Variants in INSR observed in about 807,000 individuals in gnomAD.
The protein encoded by INSR is insulin receptor.
INSR carries 67 observed loss-of-function variants against 142.6 expected under a neutral mutation model. The ratio of observed to expected loss-of-function variants is 0.47; its 90% CI spans 0.39 to 0.58. The LOEUF (loss-of-function observed/expected upper bound fraction) is 0.58. Among genes scored for constraint, INSR ranks in the 20% least tolerant of loss-of-function variants. INSR has a pLI of 0.00. For synonymous variants in INSR, 756 were observed against 743.1 expected (o/e 1.02, Z -0.28); for missense variants, 1,248 against 1,833.2 (o/e 0.68, Z 5.83).
chr19:7,269,414 CACACACACACACTT>C (rs1423385974), intron 1 of INSR, among the ~76,000 whole-genome samples: 3 of 137,726 alleles, frequency 2.2e-5, no homozygotes, highest in South Asian at 2.2e-4. Flanking sequence ...CACACACACA[CACACACACACACTT>C]GCTTGCTAGG....
intron 1 of INSR, among the ~76,000 whole-genome samples, chr19:7,284,840 C>G (rs1209995569): frequency 6.6e-6 from 1 of 152,126 alleles, no homozygotes; most frequent in African/African-American, 2.4e-5. Flanking sequence ...AGTTTTAATC[C>G]TCAGTGTGCA....
intron 13 of INSR, among the ~76,000 whole-genome samples, chr19:7,136,277 C>T (rs963289435): frequency 6.6e-6 from 1 of 152,040 alleles, no homozygotes; most frequent in Non-Finnish European, 1.5e-5. Flanking sequence ...AGAGGAAGTT[C>T]GGGGCATTGT....
chr19:7,262,955 T>G (rs1016812279), intron 2 of INSR, among the ~76,000 whole-genome samples: 1 of 152,172 alleles, frequency 6.6e-6, no homozygotes, highest in Non-Finnish European at 1.5e-5. Context: ...TGAACGTGCT[T>G]AATGCCACTG....
At chr19:7,190,528 C>T (rs567962431) in intron 2 of INSR, among the ~76,000 whole-genome samples, 7 of 152,146 alleles carry the variant, frequency 4.6e-5, no homozygotes, top group Non-Finnish European at 7.4e-5. Flanking sequence ...CCCGTCATCA[C>T]GCCCAGCTAA....
intron 11 of INSR, among the ~76,000 whole-genome samples, chr19:7,149,371 C>T (rs189324327): frequency 1.3e-5 from 2 of 152,326 alleles, no homozygotes; most frequent in Admixed American, 1.3e-4. Flanking sequence ...GGAAGAAAAT[C>T]TCTCCAAGTG....
At chr19:7,197,835 C>T (rs956510261) in intron 2 of INSR, among the ~76,000 whole-genome samples, 1 of 28,314 alleles carries the variant, frequency 3.5e-5, no homozygotes, top group South Asian at 8.7e-4. Flanking sequence ...AGAGAGAGAA[C>T]GAGAGAGAGA....
intron 13 of INSR, among the ~76,000 whole-genome samples, chr19:7,138,026 T>C (rs7260634): frequency 0.99 from 146,795 of 147,792 alleles, 72,903 homozygotes; most frequent in Middle Eastern, 1. Context: ...TGCAGTGGCG[T>C]GATCTCGGCT....
rs763296828 is a variant in INSR at position 7,125,566 on chromosome 19, C to T, written c.3014-39G>A. ...ATCTACACAGCATCCTTGGAGGATC[C>T]CTTGGGGGTCTGCAGCCACCTTCCA... is the stretch of plus-strand genomic sequence containing the variant. On this transcript the variant is annotated intron_variant, in intron 16 of 21. Transcript: ENST00000302850. This position sits in a 1 kb window ranked among gnomAD's most constrained non-coding sequence, Gnocchi z 4.9. 1 of 1,608,314 alleles carries T rather than the reference C, an allele frequency of 6.2e-7. No homozygotes were observed. Among genetic ancestry groups the T allele is most frequent in the Admixed American group, 1.7e-5 (1 of 60,012 alleles).
rs547238311 is a variant in INSR at position 7,204,302 on chromosome 19, G to T, written c.653-19665C>A. Among the ~76,000 whole-genome samples, 98 of 152,036 alleles carry T rather than the reference G, an allele frequency of 6.4e-4. 1 individual carries two copies. The highest frequency in any genetic ancestry group is 2.1e-3 in the African/African-American group (88 of 41,486). On this transcript the variant is annotated intron_variant, in intron 2 of 21. Coordinates refer to ENST00000302850, the MANE Select transcript of INSR (RefSeq NM_000208.4). Reference sequence around the variant, plus strand: ...ACTCCTGACCTCAGGTGATCCACCTGCCTCGGCCTCCCAAAGTGCTGGGAT... The same window carrying T: ...ACTCCTGACCTCAGGTGATCCACCTTCCTCGGCCTCCCAAAGTGCTGGGAT...
chr19:7,187,661 C>T (rs546331641), intron 2 of INSR, among the ~76,000 whole-genome samples: 43 of 152,260 alleles, frequency 2.8e-4, no homozygotes, highest in African/African-American at 9.6e-4. Flanking sequence ...CAGCCTCAAT[C>T]TCCTGGGCTC....
intron 2 of INSR, among the ~76,000 whole-genome samples, chr19:7,261,723 G>A (rs1331127835): frequency 3.3e-5 from 5 of 151,962 alleles, no homozygotes; most frequent in Admixed American, 6.6e-5. Context: ...TAGAGACAGC[G>A]TTTTGCTATG....
intron 14 of INSR, among the ~76,000 whole-genome samples, chr19:7,130,521 A>G (rs1247974072): frequency 6.6e-6 from 1 of 152,226 alleles, no homozygotes; most frequent in Admixed American, 6.5e-5. Context: ...GGTTAGCAAC[A>G]TCCCTACTGG....
At chr19:7,153,311 TCAC>T (rs1973475681) in intron 9 of INSR, among the ~76,000 whole-genome samples, 3 of 6,542 alleles carry the variant, frequency 4.6e-4, no homozygotes, top group Non-Finnish European at 3.0e-4. Context: ...ACCACACAAA[TCAC>T]ACACACACCA....
rs921467531 is a variant in INSR, at chr19:7,121,331, A to C, written c.3530-582T>G. Among the ~76,000 whole-genome samples the C allele has an allele frequency of 9.9e-5, 15 of 152,236 alleles. 1 individual carries two copies. In the South Asian group the frequency reaches 2.9e-3, roughly 29 times the overall value. ...GTCTTTTTGAGTCATAAATAGAATC[A>C]TATCACTTCCTGCTGCCCCTTGCTA... On this transcript the variant is annotated intron_variant, in intron 19 of 21. Transcript: ENST00000302850.
intron 7 of INSR, 75 bp downstream of exon 7, chr19:7,167,893 T>C (rs1250928763): frequency 6.3e-7 from 1 of 1,593,624 alleles, no homozygotes; most frequent in African/African-American, 1.3e-5. Flanking sequence ...GAGGGGCAGA[T>C]TGGAGCACAA....
At chr19:7,222,515 T>C (rs1975652779) in intron 2 of INSR, among the ~76,000 whole-genome samples, 1 of 152,174 alleles carries the variant, frequency 6.6e-6, no homozygotes, top group African/African-American at 2.4e-5. Context: ...TGCTTCAGCC[T>C]CTGGAGTAGC....
intron 10 of INSR, chr19:7,152,471 G>A (rs190628201): frequency 8.2e-5 from 44 of 537,738 alleles, no homozygotes; most frequent in East Asian, 5.9e-4. Flanking sequence ...CAGCTCAGGA[G>A]AGGTAAGAAA....
chr19:7,254,235 C>T (rs8102764), intron 2 of INSR, among the ~76,000 whole-genome samples: 61,048 of 151,452 alleles, frequency 0.4, 13,744 homozygotes, highest in African/African-American at 0.59. Context: ...AATAAATTAG[C>T]CAGGGATGGT....
chr19:7,209,471 C>G (rs1209775301), intron 2 of INSR, among the ~76,000 whole-genome samples: 2 of 152,060 alleles, frequency 1.3e-5, no homozygotes, highest in African/African-American at 4.8e-5. Flanking sequence ...TCTCTGTCAC[C>G]CAGGCTGCCT....
Sources: allele counts gnomAD v4.1 joint callset (sites outside exome capture counted in the v4.1 genomes callset), GRCh38; gene constraint gnomAD v4.1.1; non-coding constraint Gnocchi (gnomAD v3.1); transcripts MANE v1.5; gene names NCBI Gene and HGNC (gene_info 2026-07-23, HGNC 2026-07-21).